ASAP2: variants seen among roughly 807,000 people sequenced by gnomAD.
The protein encoded by ASAP2 is ArfGAP with SH3 domain, ankyrin repeat and PH domain 2.
A neutral mutation model predicts 131.4 loss-of-function variants in ASAP2; 45 were observed. That is an observed-to-expected ratio of 0.34 (90% CI 0.27 to 0.44). The LOEUF (loss-of-function observed/expected upper bound fraction) is 0.44. Among genes scored for constraint, ASAP2 ranks in the 20% least tolerant of loss-of-function variants. The pLI, the probability that ASAP2 is intolerant of heterozygous loss-of-function variation, is 1.00. For missense variants in ASAP2, 1,011 were observed against 1,297.0 expected, an observed-to-expected ratio of 0.78 and a Z score of 3.39; for synonymous variants, 510 against 503.0, an observed-to-expected ratio of 1.01 and a Z score of -0.19.
chr2:9,223,329 A>G (rs58360128), intron 1 of ASAP2, among the ~76,000 whole-genome samples: 7,885 of 152,200 alleles, frequency 0.052, 547 homozygotes, highest in African/African-American at 0.15. Flanking sequence ...CTGATAGGAA[A>G]TCTCTTAAGG....
In ASAP2 at chr2:9,403,468, G is replaced by T; in HGVS notation, c.*141G>T. 1.5e-6 allele frequency: 1 copy of T among 688,832 alleles called. No homozygotes were observed. 42.7% of individuals were successfully genotyped at this position (688,832 alleles called of 1,614,324 possible). ...GCCACTGCTCTGTTTTAAAAACTCA[G>T]AGGCAATTTTTACATATCAGTAATT... On this transcript the variant is annotated 3_prime_UTR_variant, in exon 28 of 28. Transcript: ENST00000281419.
At chr2:9,357,929 A>G (rs1175682923) in intron 14 of ASAP2, among the ~76,000 whole-genome samples, 1 of 152,248 alleles carries the variant, frequency 6.6e-6, no homozygotes, top group Non-Finnish European at 1.5e-5. Context: ...GATGTACTCA[A>G]GGACATCTTA....
chr2:9,296,495 TA>T (rs1174247960), intron 2 of ASAP2, among the ~76,000 whole-genome samples: 3 of 152,238 alleles, frequency 2.0e-5, no homozygotes, highest in Non-Finnish European at 4.4e-5. Flanking sequence ...CTTTGAGGCC[TA>T]ATGATAGTAA....
At position 9,405,491 on chromosome 2, in the gene ASAP2, G is replaced by A. The variant is rs752480830; in HGVS notation, c.*2164G>A. On this transcript the variant is annotated 3_prime_UTR_variant, in exon 28 of 28. Coordinates refer to ENST00000281419, the MANE Select transcript of ASAP2 (RefSeq NM_003887.3). ...TATGCAGCTTAGGATGCTATTTTGA[G>A]ATGTATGATATTCAGTTCATTCACC... 1.3e-5 allele frequency: 2 copies of A among 152,580 alleles called. No individual in the cohort carries two copies. Among genetic ancestry groups the A allele is most frequent in the Non-Finnish European group, 2.9e-5 (2 of 68,032 alleles). The allele number at this position is 152,580 out of a possible 1,614,324, so 9.5% of individuals were successfully genotyped here.
intron 2 of ASAP2, among the ~76,000 whole-genome samples, chr2:9,291,737 C>T (rs1667824810): frequency 6.6e-6 from 1 of 152,104 alleles, no homozygotes; most frequent in Admixed American, 6.5e-5. Context: ...GTGGTCTGGC[C>T]TGGAGCAGGG....
rs568341213 is a variant in ASAP2, at chr2:9,223,949, C to T, written c.126+16719C>T. Among the ~76,000 whole-genome samples, 230 of 152,296 alleles carry T rather than the reference C, an allele frequency of 1.5e-3. 1 individual carries two copies. The highest frequency in any genetic ancestry group is 5.4e-3 in the African/African-American group (224 of 41,544). ...AATCAGCGTCCTCTGATTTGGTGCGCTGGGATGCACGTAATCCACTGAGGA... is the reference window on the plus strand; with the variant it reads ...AATCAGCGTCCTCTGATTTGGTGCGTTGGGATGCACGTAATCCACTGAGGA... On this transcript the variant is annotated intron_variant, in intron 1 of 27. Transcript: ENST00000281419.
intron 6 of ASAP2, among the ~76,000 whole-genome samples, chr2:9,325,069 T>A (rs1344321525): frequency 6.6e-6 from 1 of 152,212 alleles, no homozygotes; most frequent in African/African-American, 2.4e-5. Context: ...AAGCAAATAT[T>A]TTTAAATATT....
Position 9,376,798 on chromosome 2 carries a change from A to C in ASAP2, c.1747-110A>C. On this transcript the variant is annotated intron_variant, in intron 17 of 27. Coordinates refer to ENST00000281419, the MANE Select transcript of ASAP2 (RefSeq NM_003887.3). ...CTCTATGTAAGAGATAAGTTTCTCGAAGGGAAAGATAAAAGACTTTTGGAA... is the reference window on the plus strand; with the variant it reads ...CTCTATGTAAGAGATAAGTTTCTCGCAGGGAAAGATAAAAGACTTTTGGAA... The C allele has an allele frequency of 3.0e-6, 3 of 992,910 alleles. No homozygotes were observed. The South Asian group carries it at 4.4e-5, about 15-fold the overall frequency. The allele number at this position is 992,910 out of a possible 1,614,324, so 61.5% of individuals were successfully genotyped here.
chr2:9,306,881 G>A (rs115834840), intron 3 of ASAP2, among the ~76,000 whole-genome samples: 2,050 of 152,010 alleles, frequency 0.013, 52 homozygotes, highest in African/African-American at 0.048. Context: ...TGCCCCAGGG[G>A]CCCTGGCCGG....
chr2:9,357,000 C>G (rs1015910878), intron 14 of ASAP2, among the ~76,000 whole-genome samples: 3 of 152,042 alleles, frequency 2.0e-5, no homozygotes, highest in Non-Finnish European at 2.9e-5. Context: ...ATTTTCTGAA[C>G]ATTTATAAAA....
chr2:9,306,528 G>T (rs1335849178), intron 3 of ASAP2, among the ~76,000 whole-genome samples: 2 of 151,824 alleles, frequency 1.3e-5, no homozygotes, highest in African/African-American at 4.9e-5. Context: ...GGTTCCTAGG[G>T]TGAGAGGGGC....
At chr2:9,318,424 G>T in intron 3 of ASAP2, 100 bp from the exon 4 acceptor site, 1 of 844,238 alleles carries the variant, frequency 1.2e-6, no homozygotes. Context: ...TTTAGGTGGA[G>T]GTGAATCATT....
Position 9,307,379 on chromosome 2 carries a change from G to C in ASAP2, c.345+9934G>C, listed in dbSNP as rs554117221. Among the ~76,000 whole-genome samples, 6 of 152,352 alleles carry C rather than the reference G, an allele frequency of 3.9e-5. No individual in the cohort carries two copies. In the East Asian group the frequency reaches 1.2e-3, roughly 29 times the overall value. On this transcript the variant is annotated intron_variant, in intron 3 of 27. Transcript: ENST00000281419. ...GGAGACTTCAGGTGCCCCAGGTCCT[G>C]TGGAGGTCAGAGCTACTTCCTAAAC...
chr2:9,340,020 C>T (rs1326991169), intron 9 of ASAP2, among the ~76,000 whole-genome samples: 1 of 152,162 alleles, frequency 6.6e-6, no homozygotes, highest in Non-Finnish European at 1.5e-5. Context: ...CCCATGTCTG[C>T]AGCTTTTTGT....
At chr2:9,358,702 C>A (rs1672876239) in intron 14 of ASAP2, 54 bp from the exon 15 acceptor site, 3 of 1,582,178 alleles carry the variant, frequency 1.9e-6, no homozygotes, top group Non-Finnish European at 2.6e-6. Flanking sequence ...AAAGATGTGA[C>A]TCCTGACCCT....
chr2:9,247,926 G>A (rs1664445962), intron 1 of ASAP2, among the ~76,000 whole-genome samples: 2 of 152,150 alleles, frequency 1.3e-5, no homozygotes, highest in Non-Finnish European at 2.9e-5. Context: ...TCTTTATGAT[G>A]TATCCTCCCA....
rs1364819227 is a variant in ASAP2 at position 9,391,756 on chromosome 2, T to G, written c.2518+560T>G. On this transcript the variant is annotated intron_variant, in intron 23 of 27. Coordinates refer to ENST00000281419, the MANE Select transcript of ASAP2 (RefSeq NM_003887.3). ...TGCTCAGCTATTTTTTTTTTTTTTT[T>G]GTATTTTTAGTAGAGATGGGGTTTC... Among the ~76,000 whole-genome samples the G allele has an allele frequency of 2.0e-5, 3 of 149,102 alleles. No individual in the cohort carries two copies. The East Asian group carries it at 5.9e-4, about 29-fold the overall frequency.
chr2:9,328,982 G>T (rs1358571279), intron 7 of ASAP2, among the ~76,000 whole-genome samples: 1 of 151,976 alleles, frequency 6.6e-6, no homozygotes, highest in Admixed American at 6.5e-5. Flanking sequence ...TTTCTATTTT[G>T]TTCCCTGATA....
At position 9,376,913 on chromosome 2, in the gene ASAP2, G is replaced by A. The variant is rs767605231; in HGVS notation, c.1752G>A (p.Pro584=). Residue 584 remains proline, a synonymous_variant, in exon 18 of 28, where the codon CCG becomes CCA. Coordinates refer to ENST00000281419, the MANE Select transcript of ASAP2 (RefSeq NM_003887.3). ...GCCTTTGTTTGGTTTTTCAGGAGCCGGATGAAACGGCCCTCCACCTTGCAG... is the reference window on the plus strand; with the variant it reads ...GCCTTTGTTTGGTTTTTCAGGAGCCAGATGAAACGGCCCTCCACCTTGCAG... ...EKIPLANGHE[P]DETALHLAVR... The A allele has an allele frequency of 3.4e-5, 55 of 1,613,896 alleles. No individual in the cohort carries two copies. The highest frequency in any genetic ancestry group is 2.0e-4 in the East Asian group (9 of 44,888).
Sources: allele counts gnomAD v4.1 joint callset (sites outside exome capture counted in the v4.1 genomes callset), GRCh38; gene constraint gnomAD v4.1.1; transcripts MANE v1.5; gene names NCBI Gene and HGNC (gene_info 2026-07-23, HGNC 2026-07-21).